CSMD3: variants seen among roughly 807,000 people sequenced by gnomAD.
CSMD3 encodes CUB and Sushi multiple domains 3.
In CSMD3, 177 loss-of-function variants were observed where a neutral mutation model predicts 435.2. That is an observed-to-expected ratio of 0.41 (90% CI 0.36 to 0.46). CSMD3 has a LOEUF of 0.46. CSMD3 is among the 20% of genes least tolerant of loss of function. The probability of loss-of-function intolerance (pLI) is 0.34; values close to 1 mark genes in which losing one functional copy is unlikely to be tolerated. For missense variants in CSMD3, 4,265 were observed against 4,504.6 expected, an observed-to-expected ratio of 0.95 and a Z score of 1.52; for synonymous variants, 1,656 against 1,520.5, an observed-to-expected ratio of 1.09 and a Z score of -2.07.
At position 112,698,122 on chromosome 8, in the gene CSMD3, G is replaced by A. The variant is rs535665845; in HGVS notation, c.1973-8072C>T. Among the ~76,000 whole-genome samples the A allele has an allele frequency of 2.5e-3, 375 of 152,094 alleles. 1 individual carries two copies. The highest frequency in any genetic ancestry group is 3.4e-3 in the Middle Eastern group (1 of 294). ...TAGAAGTGAGGCTAAAAAGGCAGCC[G>A]GTAAGGTTGGGAGGTTAAGTATATG... On this transcript the variant is annotated intron_variant, in intron 13 of 70. Transcript: ENST00000297405.
chr8:113,393,973 A>G (rs181169119), intron 1 of CSMD3, among the ~76,000 whole-genome samples: 1 of 152,178 alleles, frequency 6.6e-6, no homozygotes, highest in Non-Finnish European at 1.5e-5. Flanking sequence ...TAAAACACCT[A>G]TATGCTTAAT....
At chr8:112,410,947 T>C (rs1443904889) in intron 32 of CSMD3, among the ~76,000 whole-genome samples, 2 of 150,710 alleles carry the variant, frequency 1.3e-5, no homozygotes, top group African/African-American at 4.9e-5. Flanking sequence ...TTCTTTCTCT[T>C]AGCTTTTTGG....
intron 9 of CSMD3, among the ~76,000 whole-genome samples, chr8:112,925,584 T>C (rs2082885611): frequency 6.6e-6 from 1 of 152,048 alleles, no homozygotes; most frequent in Non-Finnish European, 1.5e-5. Context: ...TTCATCTCTT[T>C]GTGCATTGCT....
chr8:113,140,439 C>T (rs1446145311), intron 4 of CSMD3, among the ~76,000 whole-genome samples: 1 of 150,822 alleles, frequency 6.6e-6, no homozygotes, highest in Non-Finnish European at 1.5e-5. Flanking sequence ...AGACTCCAGC[C>T]TACAAGAGCA....
chr8:112,770,493 T>G (rs1044523038), intron 13 of CSMD3, among the ~76,000 whole-genome samples: 11 of 152,126 alleles, frequency 7.2e-5, no homozygotes, highest in African/African-American at 2.4e-4. Flanking sequence ...TTTCTTTTTT[T>G]TAAATAAAAT....
chr8:113,341,008 C>A (rs1351957991), intron 1 of CSMD3, among the ~76,000 whole-genome samples: 1 of 152,140 alleles, frequency 6.6e-6, no homozygotes, highest in African/African-American at 2.4e-5. Context: ...GGATCCTCTT[C>A]AACCAACATA....
intron 32 of CSMD3, among the ~76,000 whole-genome samples, chr8:112,451,906 A>AT (rs1230572297): frequency 9.9e-5 from 15 of 152,248 alleles, no homozygotes; most frequent in African/African-American, 3.6e-4. Flanking sequence ...TATTATTTAG[A>AT]TTTTTTTAAA....
intron 3 of CSMD3, among the ~76,000 whole-genome samples, chr8:113,193,491 CT>C (rs1468396462): frequency 1.5e-5 from 2 of 133,322 alleles, no homozygotes. Flanking sequence ...ATTCAACCTT[CT>C]AATGACTTCT....
chr8:113,386,010 A>C (rs940743048), intron 1 of CSMD3, among the ~76,000 whole-genome samples: 4 of 152,064 alleles, frequency 2.6e-5, no homozygotes, highest in African/African-American at 9.7e-5. Flanking sequence ...ATTAAATATA[A>C]AGTTGAGATA....
chr8:113,069,154 A>C (rs962823476), intron 5 of CSMD3, among the ~76,000 whole-genome samples: 12 of 152,256 alleles, frequency 7.9e-5, no homozygotes, highest in African/African-American at 1.7e-4. Flanking sequence ...AATTTGCTTC[A>C]AAGTGGGCTT....
chr8:112,515,109 T>A (rs1823535645), intron 28 of CSMD3, among the ~76,000 whole-genome samples: 1 of 152,100 alleles, frequency 6.6e-6, no homozygotes, highest in Admixed American at 6.6e-5. Context: ...AAATGGAAAT[T>A]TGTAATAGCA....
intron 22 of CSMD3, among the ~76,000 whole-genome samples, chr8:112,623,145 AAGC>A (rs1834210165): frequency 6.6e-6 from 1 of 152,156 alleles, no homozygotes; most frequent in African/African-American, 2.4e-5. Context: ...ACTGATTAAA[AAGC>A]AAAAAAGAAA....
At chr8:113,302,533 A>T (rs940323539) in intron 2 of CSMD3, among the ~76,000 whole-genome samples, 6 of 151,470 alleles carry the variant, frequency 4.0e-5, no homozygotes, top group Non-Finnish European at 7.4e-5. Context: ...CATTTTATTT[A>T]CGAGCTCATA....
chr8:112,783,065 T>G (rs1195166890), intron 13 of CSMD3, among the ~76,000 whole-genome samples: 1 of 152,070 alleles, frequency 6.6e-6, no homozygotes, highest in Non-Finnish European at 1.5e-5. Context: ...AATTGTGGCG[T>G]GTAAACTACT....
chr8:112,983,528 C>A (rs116805772), intron 6 of CSMD3, among the ~76,000 whole-genome samples: 1 of 149,976 alleles, frequency 6.7e-6, no homozygotes, highest in Non-Finnish European at 1.5e-5. Context: ...TCTCTCATAA[C>A]CAGACAAATA....
At chr8:112,349,116 G>A (rs1291870170) in intron 40 of CSMD3, among the ~76,000 whole-genome samples, 1 of 151,800 alleles carries the variant, frequency 6.6e-6, no homozygotes, top group African/African-American at 2.4e-5. Flanking sequence ...GATATGAGAT[G>A]TGTTCATAAT....
chr8:112,329,354 A>G (rs971750538), intron 45 of CSMD3, among the ~76,000 whole-genome samples: 1 of 152,138 alleles, frequency 6.6e-6, no homozygotes, highest in Non-Finnish European at 1.5e-5. Flanking sequence ...AATCAAAATG[A>G]CAGTCTTCCA....
chr8:112,492,659 T>C lies in CSMD3; in HGVS notation c.5108A>G (p.Asp1703Gly). The C allele has an allele frequency of 1.9e-6, 3 of 1,613,966 alleles. No individual in the cohort carries two copies. Among genetic ancestry groups the C allele is most frequent in the Non-Finnish European group, 2.5e-6 (3 of 1,179,886 alleles). Reference protein sequence around the residue: ...YKAKLRESCFDPGNIMNGTRL... With the variant: ...YKAKLRESCFGPGNIMNGTRL... ...GGTGCCATTCATTATATTGCCTGGATCAAAGCAGGACTCTCGCAGTTTTGC... is the reference window on the plus strand; with the variant it reads ...GGTGCCATTCATTATATTGCCTGGACCAAAGCAGGACTCTCGCAGTTTTGC... The change falls in exon 31 of 71, where the codon GAT becomes GGT. Residue 1703 changes from aspartate to glycine, a missense_variant. Around this residue, in one of 3 missense-constraint regions of CSMD3, gnomAD observed 3,255 missense variants for 3,380.2 expected, o/e 0.96. Coordinates refer to ENST00000297405, the MANE Select transcript of CSMD3 (RefSeq NM_198123.2).
At chr8:113,101,758 G>T (rs547351412) in intron 4 of CSMD3, among the ~76,000 whole-genome samples, 1 of 152,116 alleles carries the variant, frequency 6.6e-6, no homozygotes, top group African/African-American at 2.4e-5. Context: ...TGAGTTCTAT[G>T]CTCAACACTT....
Sources: allele counts gnomAD v4.1 joint callset (sites outside exome capture counted in the v4.1 genomes callset), GRCh38; gene constraint gnomAD v4.1.1; regional missense constraint gnomAD v4.1.1; transcripts MANE v1.5; gene names NCBI Gene and HGNC (gene_info 2026-07-23, HGNC 2026-07-21).